Variants in CASK observed in about 807,000 individuals in gnomAD.
CASK encodes the protein calcium/calmodulin dependent serine protein kinase.
A neutral mutation model predicts 82.9 loss-of-function variants in CASK; 4 were observed. The observed-to-expected ratio is 0.05, with a 90% CI of 0.02 to 0.11. The LOEUF is 0.11. CASK is among the 10% of genes least tolerant of loss of function. The pLI is 1.00. For missense variants in CASK, 358 were observed against 720.9 expected (o/e 0.50, Z 5.76); for synonymous variants, 259 against 253.5 (o/e 1.02, Z -0.20).
chrX:41,562,797 C>T (rs1329952476), intron 16 of CASK: 1 of 108,160 alleles, frequency 9.2e-6, no homozygotes, highest in South Asian at 4.0e-4. Context: ...ATGGTGGCTT[C>T]CACTTGTAAT....
At chrX:41,796,518 C>T (rs1192738024) in intron 2 of CASK, among the ~76,000 whole-genome samples, 2 of 112,022 alleles carry the variant, frequency 1.8e-5, no homozygotes, top group Admixed American at 1.9e-4. Flanking sequence ...TTTTCATCTA[C>T]AGTTTTTTGG....
At position 41,801,125 on chromosome X, in the gene CASK, A is replaced by C. The variant is rs763920373; in HGVS notation, c.173-13842T>G. ...ACCTTTACAAAGGAGGGGAAAAAAA[A>C]GCAGAAAATAGAAACTGCCTTTGAG... is the stretch of plus-strand genomic sequence containing the variant. On this transcript the variant is annotated intron_variant, in intron 2 of 26. Transcript: ENST00000378163. Among the ~76,000 whole-genome samples, 28 of 112,083 alleles carry C rather than the reference A, an allele frequency of 2.5e-4. No individual in the cohort carries two copies. In the South Asian group the frequency reaches 9.3e-3, roughly 37 times the overall value.
chrX:41,533,295 G>A (rs2064831013), intron 24 of CASK, among the ~76,000 whole-genome samples: 1 of 112,490 alleles, frequency 8.9e-6, no homozygotes, highest in African/African-American at 3.2e-5. Context: ...GTTGTTACGT[G>A]GTTAAGAAGA....
rs2072819375 is a variant in CASK at position 41,923,186 on chromosome X, C to A, written c.-198G>T. On this transcript the variant is annotated 5_prime_UTR_variant, in exon 1 of 27. Transcript: ENST00000378163. ...CTGCAGGCGACCGCCCCGGCGCGGGCGGCGGGGCCGGGGCGCGGGAGCGAG... is the reference window on the plus strand; with the variant it reads ...CTGCAGGCGACCGCCCCGGCGCGGGAGGCGGGGCCGGGGCGCGGGAGCGAG... The A allele has an allele frequency of 7.2e-6, 1 of 139,629 alleles. No individual in the cohort carries two copies. Among genetic ancestry groups the A allele is most frequent in the Non-Finnish European group, 1.4e-5 (1 of 71,668 alleles). 11.5% of individuals were successfully genotyped at this position (139,629 alleles called of 1,213,427 possible). A position where few individuals can be genotyped will look rare whatever the true frequency, so the allele number is the denominator to read the frequency against.
chrX:41,638,414 G>A (rs1440334528), intron 8 of CASK, among the ~76,000 whole-genome samples: 1 of 110,613 alleles, frequency 9.0e-6, no homozygotes. Context: ...TTAGCCAGGC[G>A]TGGTGGCATG....
intron 1 of CASK, among the ~76,000 whole-genome samples, chrX:41,922,234 C>G (rs1047965566): frequency 5.4e-5 from 6 of 111,906 alleles, no homozygotes; most frequent in Non-Finnish European, 9.4e-5. Flanking sequence ...TTTGGACTGT[C>G]AGTTCTATAT....
chrX:41,769,254 A>G (rs1449247607), intron 3 of CASK, among the ~76,000 whole-genome samples: 5 of 100,475 alleles, frequency 5.0e-5, no homozygotes, highest in Non-Finnish European at 8.0e-5. Flanking sequence ...GGAGTACAGT[A>G]GTATGATCTT....
Position 41,634,105 on chromosome X carries a change from C to A in CASK, c.915+2473G>T, listed in dbSNP as rs1045403167. Among the ~76,000 whole-genome samples the A allele has an allele frequency of 6.3e-5, 7 of 111,215 alleles. No homozygotes were observed. In the Admixed American group the frequency reaches 6.7e-4, roughly 11 times the overall value. On this transcript the variant is annotated intron_variant, in intron 9 of 26. Coordinates refer to ENST00000378163, the MANE Select transcript of CASK (RefSeq NM_001367721.1). ...CGCTTTCTGTGAACTCCCTTTTAAT[C>A]ACTTCCAAGGGAGTCATTACAAATT...
chrX:41,779,361 T>G (rs1300437388), intron 3 of CASK, among the ~76,000 whole-genome samples: 2 of 112,093 alleles, frequency 1.8e-5, no homozygotes, highest in Admixed American at 1.9e-4. Context: ...TTGTGCCTGG[T>G]TTCCCCTGGA....
intron 1 of CASK, among the ~76,000 whole-genome samples, chrX:41,871,567 T>C (rs1320481891): frequency 1.8e-5 from 2 of 112,120 alleles, no homozygotes; most frequent in Non-Finnish European, 3.8e-5. Context: ...TAATGACTTA[T>C]TGGGGTACCA....
chrX:41,888,741 A>G (rs2072099244), intron 1 of CASK, among the ~76,000 whole-genome samples: 1 of 101,532 alleles, frequency 9.8e-6, no homozygotes, highest in Non-Finnish European at 2.0e-5. Flanking sequence ...GTATATATAT[A>G]CATATATATG....
At chrX:41,772,724 G>T (rs1159205561) in intron 3 of CASK, among the ~76,000 whole-genome samples, 3 of 111,684 alleles carry the variant, frequency 2.7e-5, no homozygotes. Flanking sequence ...TAGAGGCCAG[G>T]TGTGGTGGCT....
intron 2 of CASK, among the ~76,000 whole-genome samples, chrX:41,799,034 T>C (rs755733364): frequency 8.9e-6 from 1 of 111,812 alleles, no homozygotes; most frequent in Non-Finnish European, 1.9e-5. Flanking sequence ...TTTCTCTGAA[T>C]TAATTCTAAA....
At chrX:41,590,614 T>C (rs1485990754) in intron 12 of CASK, among the ~76,000 whole-genome samples, 1 of 110,610 alleles carries the variant, frequency 9.0e-6, no homozygotes, top group African/African-American at 3.3e-5. Flanking sequence ...ATACATTTAA[T>C]TATTTTAGAA....
rs1216342173 is a variant in CASK, at chrX:41,778,432, T to C, written c.278+8746A>G. ...TTTTAGTAGTGATAGGGTTTCACCA[T>C]GTTGGCCAGGTTAGTCTCAAACTTC... is the stretch of plus-strand genomic sequence containing the variant. On this transcript the variant is annotated intron_variant, in intron 3 of 26. Transcript: ENST00000378163. Among the ~76,000 whole-genome samples the C allele has an allele frequency of 9.0e-5, 10 of 110,875 alleles. No homozygotes were observed. In the Admixed American group the frequency reaches 9.7e-4, roughly 11 times the overall value.
chrX:41,707,672 T>C (rs1337668308), intron 5 of CASK, among the ~76,000 whole-genome samples: 1 of 111,163 alleles, frequency 9.0e-6, no homozygotes, highest in Non-Finnish European at 1.9e-5. Flanking sequence ...CTTGAAAGCT[T>C]TGTGTGTGTG....
At chrX:41,531,274 A>G in intron 24 of CASK, 65 bp from the exon 25 acceptor site, 1 of 861,772 alleles carries the variant, frequency 1.2e-6, no homozygotes, top group Non-Finnish European at 1.7e-6. Context: ...CACTCCCAAC[A>G]GATTTACTCA....
intron 2 of CASK, among the ~76,000 whole-genome samples, chrX:41,841,045 T>C (rs187811989): frequency 8.9e-6 from 1 of 112,149 alleles, no homozygotes; most frequent in African/African-American, 3.2e-5. Context: ...TTTTCAATGC[T>C]TTTGGGTATA....
chrX:41,819,301 C>A (rs886389616), intron 2 of CASK, among the ~76,000 whole-genome samples: 1 of 110,632 alleles, frequency 9.0e-6, no homozygotes. Flanking sequence ...ATATGTCAGA[C>A]AAGAAAATTA....
Sources: allele counts gnomAD v4.1 joint callset (sites outside exome capture counted in the v4.1 genomes callset), GRCh38; gene constraint gnomAD v4.1.1; transcripts MANE v1.5; gene names NCBI Gene and HGNC (gene_info 2026-07-23, HGNC 2026-07-21).